MTUS2: variants seen among roughly 807,000 people sequenced by gnomAD.
MTUS2 encodes microtubule associated scaffold protein 2.
MTUS2 carries 40 observed loss-of-function variants against 114.1 expected under a neutral mutation model. The ratio of observed to expected loss-of-function variants is 0.35; its 90% CI spans 0.27 to 0.46. MTUS2 has a LOEUF of 0.46. MTUS2 is among the 20% of genes least tolerant of loss of function. The pLI, the probability that MTUS2 is intolerant of heterozygous loss-of-function variation, is 1.00. For synonymous variants in MTUS2, 688 were observed against 672.0 expected, an observed-to-expected ratio of 1.02 and a Z score of -0.37; for missense variants, 1,679 against 1,705.4, an observed-to-expected ratio of 0.98 and a Z score of 0.27.
At chr13:28,880,225 A>G (rs1878208875) in intron 2 of MTUS2, among the ~76,000 whole-genome samples, 1 of 152,226 alleles carries the variant, frequency 6.6e-6, no homozygotes, top group Non-Finnish European at 1.5e-5. Flanking sequence ...ACTGTTGGTG[A>G]AGTTGAAATC....
intron 4 of MTUS2, among the ~76,000 whole-genome samples, chr13:29,036,447 A>T (rs897904825): frequency 6.6e-6 from 1 of 152,212 alleles, no homozygotes; most frequent in Non-Finnish European, 1.5e-5. Context: ...TCAATTTTAG[A>T]GTAAGTGTGA....
intron 9 of MTUS2, among the ~76,000 whole-genome samples, chr13:29,473,555 A>G (rs1880468844): frequency 6.6e-6 from 1 of 152,214 alleles, no homozygotes; most frequent in African/African-American, 2.4e-5. Flanking sequence ...TGGTAGATTG[A>G]TATCTTTATA....
intron 8 of MTUS2, among the ~76,000 whole-genome samples, chr13:29,421,989 G>T (rs1038306803): frequency 3.9e-5 from 6 of 152,224 alleles, no homozygotes; most frequent in African/African-American, 1.4e-4. Context: ...TAGGTTGTTT[G>T]TATATTTGTT....
chr13:29,236,807 G>A (rs887627791), intron 5 of MTUS2, among the ~76,000 whole-genome samples: 2 of 152,164 alleles, frequency 1.3e-5, no homozygotes, highest in Non-Finnish European at 2.9e-5. Context: ...CTGACTTTCT[G>A]GAAGGGAAAT....
chr13:29,258,154 G>A (rs9508326), intron 5 of MTUS2, among the ~76,000 whole-genome samples: 12,860 of 152,262 alleles, frequency 0.084, 786 homozygotes, highest in Non-Finnish European at 0.13. Context: ...TCAAGGCATT[G>A]AATGGAATGA....
chr13:28,969,004 A>G (rs1883729403), intron 2 of MTUS2, among the ~76,000 whole-genome samples: 2 of 152,204 alleles, frequency 1.3e-5, no homozygotes, highest in African/African-American at 4.8e-5. Context: ...AATTTTAAAT[A>G]AAGTTGTTTT....
chr13:28,915,663 C>T (rs935206156), intron 2 of MTUS2, among the ~76,000 whole-genome samples: 1 of 151,684 alleles, frequency 6.6e-6, no homozygotes, highest in Non-Finnish European at 1.5e-5. Context: ...TTTTCCTATA[C>T]AGTTGTTTGA....
intron 8 of MTUS2, among the ~76,000 whole-genome samples, chr13:29,437,141 A>AGGGAGCTG (rs1257369747): frequency 6.6e-6 from 1 of 152,190 alleles, no homozygotes; most frequent in Non-Finnish European, 1.5e-5. Flanking sequence ...GGGCCATGAC[A>AGGGAGCTG]GGGAGCTGGG....
At chr13:29,128,993 A>G (rs1366163833) in intron 5 of MTUS2, among the ~76,000 whole-genome samples, 1 of 152,210 alleles carries the variant, frequency 6.6e-6, no homozygotes, top group Non-Finnish European at 1.5e-5. Context: ...AAATGATAAA[A>G]CAAAGGTTTA....
chr13:28,970,514 C>T (rs1883805031), intron 2 of MTUS2, among the ~76,000 whole-genome samples: 1 of 152,196 alleles, frequency 6.6e-6, no homozygotes, highest in Non-Finnish European at 1.5e-5. Context: ...GACTGTGTGG[C>T]CTGCAAAGCC....
chr13:29,483,231 G>T (rs921950996), intron 10 of MTUS2, among the ~76,000 whole-genome samples: 4 of 152,216 alleles, frequency 2.6e-5, no homozygotes, highest in Non-Finnish European at 5.9e-5. Flanking sequence ...GGCAGCAGGG[G>T]CAGGTGCTGC....
chr13:29,064,452 T>C (rs946866129), intron 4 of MTUS2, among the ~76,000 whole-genome samples: 8 of 79,550 alleles, frequency 1.0e-4, no homozygotes, highest in African/African-American at 3.9e-4. Flanking sequence ...AAATAGAGAA[T>C]TGACATAATT....
At chr13:29,008,764 C>G (rs560669080) in intron 2 of MTUS2, among the ~76,000 whole-genome samples, 1 of 152,150 alleles carries the variant, frequency 6.6e-6, no homozygotes, top group South Asian at 2.1e-4. Flanking sequence ...TTAGGGCTTT[C>G]CATTTGTTCC....
At chr13:29,243,598 G>C (rs577201492) in intron 5 of MTUS2, among the ~76,000 whole-genome samples, 4 of 152,334 alleles carry the variant, frequency 2.6e-5, no homozygotes, top group African/African-American at 7.2e-5. Context: ...AGCATTAAAG[G>C]AAGATTTTCT....
At chr13:29,113,888 T>G (rs1403793709) in intron 5 of MTUS2, among the ~76,000 whole-genome samples, 1 of 152,058 alleles carries the variant, frequency 6.6e-6, no homozygotes, top group Non-Finnish European at 1.5e-5. Flanking sequence ...TGGTGTGAGG[T>G]GATTAGATAA....
chr13:29,002,713 A>G (rs1357084532), intron 2 of MTUS2, among the ~76,000 whole-genome samples: 3 of 152,234 alleles, frequency 2.0e-5, no homozygotes, highest in Non-Finnish European at 2.9e-5. Context: ...AATGTTCAAA[A>G]TGATCACCTT....
chr13:29,047,830 G>C (rs1186340049), intron 4 of MTUS2, among the ~76,000 whole-genome samples: 1 of 152,072 alleles, frequency 6.6e-6, no homozygotes, highest in Non-Finnish European at 1.5e-5. Context: ...CTTTCAAAGT[G>C]TACATTTCAG....
At chr13:29,371,221 C>T (rs528635497) in intron 8 of MTUS2, among the ~76,000 whole-genome samples, 2 of 130,166 alleles carry the variant, frequency 1.5e-5, no homozygotes, top group East Asian at 2.4e-4. Context: ...ATTAACCACC[C>T]CCCCCCCCTT....
intron 5 of MTUS2, among the ~76,000 whole-genome samples, chr13:29,201,633 A>G (rs1894963307): frequency 6.6e-6 from 1 of 152,130 alleles, no homozygotes; most frequent in South Asian, 2.1e-4. Context: ...TTTTTGCTGT[A>G]GCTGGTAGTG....
Sources: allele counts gnomAD v4.1 joint callset (sites outside exome capture counted in the v4.1 genomes callset), GRCh38; gene constraint gnomAD v4.1.1; transcripts MANE v1.5; gene names NCBI Gene and HGNC (gene_info 2026-07-23, HGNC 2026-07-21).